The following SLC25A21 variants were observed in gnomAD, a reference collection of about 807,000 sequenced individuals.
SLC25A21 encodes mitochondrial 2-oxodicarboxylate carrier.
Under a neutral mutation model 43.8 loss-of-function variants are expected in SLC25A21, and 47 were observed. The ratio of observed to expected loss-of-function variants is 1.07; its 90% confidence interval spans 0.85 to 1.37. The LOEUF is 1.37. Ranked by LOEUF, SLC25A21 falls within the 40% of genes most tolerant of loss-of-function variation. SLC25A21 has a pLI of 0.00. For synonymous variants in SLC25A21, 131 were observed against 121.3 expected (o/e 1.08, Z -0.52); for missense variants, 352 against 350.2 (o/e 1.00, Z -0.04).
intron 1 of SLC25A21, among the ~76,000 whole-genome samples, chr14:37,154,643 A>AT (rs35417690): frequency 0.027 from 3,862 of 144,588 alleles, 170 homozygotes; most frequent in African/African-American, 0.089. Context: ...TAAAAGATAG[A>AT]TTTTTTTTTT....
At chr14:36,938,626 A>G (rs1892483888) in intron 1 of SLC25A21, among the ~76,000 whole-genome samples, 1 of 152,052 alleles carries the variant, frequency 6.6e-6, no homozygotes, top group Non-Finnish European at 1.5e-5. Flanking sequence ...CAGCTGGATC[A>G]TTGCACAGAA....
rs138255324 is a variant in SLC25A21, at chr14:36,774,797, A to G, written c.203+39121T>C. Among the ~76,000 whole-genome samples, 153 of 152,298 alleles carry G rather than the reference A, an allele frequency of 1.0e-3. 1 individual carries two copies. The highest frequency in any genetic ancestry group is 3.6e-3 in the African/African-American group (150 of 41,572). On this transcript the variant is annotated intron_variant, in intron 3 of 9. Coordinates refer to ENST00000331299, the MANE Select transcript of SLC25A21 (RefSeq NM_030631.4). ...CTCAGGCTGTAGAGACTCTTTTTAA[A>G]TGAAAAACAAAGAGGTAAAATAAGG...
chr14:36,782,030 C>A (rs1461592052), intron 3 of SLC25A21, among the ~76,000 whole-genome samples: 1 of 152,160 alleles, frequency 6.6e-6, no homozygotes, highest in African/African-American at 2.4e-5. Flanking sequence ...GCAGCTCTTT[C>A]TTTCAGCATT....
At chr14:37,164,162 GTAA>G (rs1963994640) in intron 1 of SLC25A21, among the ~76,000 whole-genome samples, 1 of 152,258 alleles carries the variant, frequency 6.6e-6, no homozygotes, top group South Asian at 2.1e-4. Flanking sequence ...GGAAGGTAGA[GTAA>G]AATAAGAAAT....
intron 2 of SLC25A21, among the ~76,000 whole-genome samples, chr14:36,869,182 A>C (rs1366472554): frequency 6.6e-6 from 1 of 152,186 alleles, no homozygotes; most frequent in Non-Finnish European, 1.5e-5. Context: ...AGAAATATCA[A>C]AGTGAATTAC....
intron 6 of SLC25A21, among the ~76,000 whole-genome samples, chr14:36,718,879 T>A (rs777570366): frequency 6.6e-6 from 1 of 152,210 alleles, no homozygotes; most frequent in Non-Finnish European, 1.5e-5. Flanking sequence ...GGGCTGAACA[T>A]CTTTAAAGAA....
chr14:36,930,001 C>T (rs889518682), intron 1 of SLC25A21, among the ~76,000 whole-genome samples: 2 of 152,146 alleles, frequency 1.3e-5, no homozygotes, highest in Admixed American at 6.6e-5. Context: ...TCTGAGAATG[C>T]TGACTCCCCT....
At chr14:36,909,848 C>G (rs569351127) in intron 1 of SLC25A21, among the ~76,000 whole-genome samples, 2 of 152,118 alleles carry the variant, frequency 1.3e-5, no homozygotes, top group African/African-American at 4.8e-5. Context: ...CAACATGAAA[C>G]AAGGGAATAT....
intron 1 of SLC25A21, among the ~76,000 whole-genome samples, chr14:37,140,540 T>G (rs935857373): frequency 6.6e-6 from 1 of 152,294 alleles, no homozygotes; most frequent in South Asian, 2.1e-4. Context: ...ATTGGGAGAA[T>G]TGAACGAGAG....
intron 2 of SLC25A21, among the ~76,000 whole-genome samples, chr14:36,823,694 G>T (rs1197085160): frequency 6.6e-6 from 1 of 152,152 alleles, no homozygotes. Context: ...ATCAAGACAA[G>T]TATCGTAGTT....
chr14:36,906,634 TA>T (rs1202231095), intron 1 of SLC25A21, among the ~76,000 whole-genome samples: 1 of 151,980 alleles, frequency 6.6e-6, no homozygotes, highest in African/African-American at 2.4e-5. Flanking sequence ...GGCTCCCAAG[TA>T]GCTGGGATTA....
intron 1 of SLC25A21, among the ~76,000 whole-genome samples, chr14:37,157,192 C>A (rs187059506): frequency 2.6e-5 from 4 of 152,110 alleles, no homozygotes; most frequent in African/African-American, 9.6e-5. Flanking sequence ...CACTATCTCT[C>A]CTAAAAACAC....
At chr14:37,062,901 C>T (rs1007747171) in intron 1 of SLC25A21, among the ~76,000 whole-genome samples, 1 of 152,098 alleles carries the variant, frequency 6.6e-6, no homozygotes, top group African/African-American at 2.4e-5. Flanking sequence ...TGCATTCTCA[C>T]GCTGCTATGA....
At chr14:36,756,364 C>T (rs1259106517) in intron 3 of SLC25A21, among the ~76,000 whole-genome samples, 5 of 152,166 alleles carry the variant, frequency 3.3e-5, no homozygotes, top group African/African-American at 1.2e-4. Flanking sequence ...CATCTGTCAG[C>T]TAAATCAAAG....
At chr14:36,879,969 C>T (rs1890663384) in intron 1 of SLC25A21, among the ~76,000 whole-genome samples, 1 of 152,126 alleles carries the variant, frequency 6.6e-6, no homozygotes, top group Non-Finnish European at 1.5e-5. Flanking sequence ...TTCTGAGAAT[C>T]CTACTAACCT....
intron 7 of SLC25A21, among the ~76,000 whole-genome samples, chr14:36,690,133 T>C (rs1457733317): frequency 1.3e-5 from 2 of 152,328 alleles, no homozygotes; most frequent in East Asian, 3.9e-4. Flanking sequence ...CATTGTGTAC[T>C]GGCTAGCAGC....
At chr14:36,879,200 CAT>C (rs1226075209) in intron 1 of SLC25A21, among the ~76,000 whole-genome samples, 1 of 152,144 alleles carries the variant, frequency 6.6e-6, no homozygotes, top group Non-Finnish European at 1.5e-5. Context: ...AGAATCAAAA[CAT>C]AACCACATGA....
At chr14:36,821,001 T>C (rs1488687156) in intron 2 of SLC25A21, among the ~76,000 whole-genome samples, 1 of 152,248 alleles carries the variant, frequency 6.6e-6, no homozygotes, top group Non-Finnish European at 1.5e-5. Context: ...TAATTCACTG[T>C]AATTAGCCTT....
chr14:36,962,279 G>A (rs767580196), intron 1 of SLC25A21, among the ~76,000 whole-genome samples: 3 of 151,948 alleles, frequency 2.0e-5, no homozygotes, highest in East Asian at 1.9e-4. Flanking sequence ...TAGTTACTAC[G>A]GTGAAGCAGA....
Sources: gnomAD v4.1 joint callset for allele counts (sites outside exome capture counted in the v4.1 genomes callset) on GRCh38, gnomAD v4.1.1 for gene constraint, MANE v1.5 for transcripts, NCBI Gene and HGNC (gene_info 2026-07-23, HGNC 2026-07-21) for gene names.